Variants in ESRRB observed in about 807,000 individuals in gnomAD.
ESRRB encodes the protein steroid hormone receptor ERR2.
In ESRRB, 16 loss-of-function variants were observed where a neutral mutation model predicts 46.0. That is an observed-to-expected ratio of 0.35 (90% CI 0.24 to 0.53). The LOEUF (loss-of-function observed/expected upper bound fraction) is 0.53. Among genes scored for constraint, ESRRB ranks in the 20% least tolerant of loss-of-function variants. The probability of loss-of-function intolerance (pLI) is 0.93; values close to 1 mark genes in which losing one functional copy is unlikely to be tolerated. For missense variants in ESRRB, 488 were observed against 607.4 expected (o/e 0.80, Z 2.07); for synonymous variants, 246 against 259.6 (o/e 0.95, Z 0.50).
In ESRRB at chr14:76,462,555, G is replaced by T; in HGVS notation, c.471G>T (p.Glu157Asp). Residue 157 changes from glutamate to aspartate, a missense_variant, in exon 3 of 7, where the codon GAG (glutamate) becomes GAT (aspartate). Coordinates refer to ENST00000644823, the MANE Select transcript of ESRRB (RefSeq NM_001379180.1). ...FFKRTIQGNIEYSCPATNECE... is the reference protein window; with the variant it reads ...FFKRTIQGNIDYSCPATNECE... ...TGTGTCTGGTTGCAGGGAACATTGA[G>T]TACAGCTGCCCGGCCACCAACGAGT... 6.2e-7 allele frequency: 1 copy of T among 1,613,846 alleles called. No homozygotes were observed. Among genetic ancestry groups the T allele is most frequent in the Non-Finnish European group, 8.5e-7 (1 of 1,179,822 alleles).
At chr14:76,448,819 A>G (rs1888263067) in intron 2 of ESRRB, among the ~76,000 whole-genome samples, 1 of 152,216 alleles carries the variant, frequency 6.6e-6, no homozygotes, top group Admixed American at 6.5e-5. Context: ...TCTAGGTAAA[A>G]TAGTCAGATG....
chr14:76,344,875 C>T (rs1884231784), intron 1 of ESRRB, among the ~76,000 whole-genome samples: 1 of 151,870 alleles, frequency 6.6e-6, no homozygotes, highest in Non-Finnish European at 1.5e-5. Context: ...ATAATAGTGT[C>T]CAATCTCATC....
intron 1 of ESRRB, among the ~76,000 whole-genome samples, chr14:76,362,735 G>T (rs995454653): frequency 1.3e-5 from 2 of 152,184 alleles, no homozygotes; most frequent in Non-Finnish European, 2.9e-5. Context: ...GGAGACCTAG[G>T]AGTGCCACAA....
intron 3 of ESRRB, among the ~76,000 whole-genome samples, chr14:76,471,705 G>A (rs1867655): frequency 0.89 from 135,435 of 152,308 alleles, 60,498 homozygotes; most frequent in East Asian, 1. Context: ...ATTACTTGCT[G>A]TCATATCCCC....
chr14:76,432,764 C>A (rs1887509361), intron 1 of ESRRB, among the ~76,000 whole-genome samples: 1 of 132,822 alleles, frequency 7.5e-6, no homozygotes, highest in Non-Finnish European at 1.6e-5. Flanking sequence ...CAACCTCCGC[C>A]TCCCGGGTTC....
chr14:76,318,230 TAA>T (rs1048975373), intron 1 of ESRRB, among the ~76,000 whole-genome samples: 2 of 152,152 alleles, frequency 1.3e-5, no homozygotes, highest in Admixed American at 1.3e-4. Context: ...CCAGGTTTGC[TAA>T]AAGTCCTTTA....
At position 76,358,319 on chromosome 14, in the gene ESRRB, AAAAAAAAGAAAGAAAGAAAGAAAG is replaced by A. The variant is rs1451061454; in HGVS notation, c.2+47407_2+47430del. Reference sequence around the variant, plus strand: ...GGAGCAAGACTCTGTCTCAAAAAAAAAAAAAAAGAAAGAAAGAAAGAAAGAAAGAAAGAAAGAAAGAAAGAAAGA... The same window carrying A: ...GGAGCAAGACTCTGTCTCAAAAAAAAAAAGAAAGAAAGAAAGAAAGAAAGA... On this transcript the variant is annotated intron_variant, in intron 1 of 6. Coordinates refer to the ESRRB transcript ENST00000512784. 2.9e-4 allele frequency among the ~76,000 whole-genome samples: 23 copies of A among 80,052 alleles called. 1 individual carries two copies. The highest frequency in any genetic ancestry group is 2.9e-4 in the African/African-American group (7 of 23,996). 52.5% of individuals were successfully genotyped at this position (80,052 alleles called of 152,430 possible). A position where few individuals can be genotyped will look rare whatever the true frequency, so the allele number is the denominator to read the frequency against.
intron 2 of ESRRB, among the ~76,000 whole-genome samples, chr14:76,452,922 T>C (rs922119062): frequency 2.0e-5 from 3 of 152,132 alleles, no homozygotes; most frequent in Admixed American, 2.0e-4. Context: ...AGAAGCAAAA[T>C]CTTGAGTGGG....
intron 5 of ESRRB, among the ~76,000 whole-genome samples, chr14:76,486,511 G>A (rs1397312314): frequency 6.6e-6 from 1 of 151,890 alleles, no homozygotes; most frequent in Non-Finnish European, 1.5e-5. Context: ...CGACAGAAAC[G>A]ATCATAAATT....
chr14:76,453,814 G>A (rs1888495916), intron 2 of ESRRB, among the ~76,000 whole-genome samples: 2 of 152,074 alleles, frequency 1.3e-5, no homozygotes. Context: ...GTTTCACCAT[G>A]TTGTCCAGGC....
chr14:76,372,983 C>T (rs1424475721), upstream of ESRRB, among the ~76,000 whole-genome samples: 1 of 152,192 alleles, frequency 6.6e-6, no homozygotes, highest in African/African-American at 2.4e-5. Context: ...TTACAAATTT[C>T]CTTTGTCAAA....
chr14:76,389,363 T>C (rs371454580), intron 1 of ESRRB, among the ~76,000 whole-genome samples: 2 of 152,186 alleles, frequency 1.3e-5, no homozygotes, highest in Non-Finnish European at 2.9e-5. Flanking sequence ...TCCTAGATCA[T>C]GAGGTCCTAG....
chr14:76,469,293 C>T (rs1015726796), intron 3 of ESRRB, among the ~76,000 whole-genome samples: 2 of 152,114 alleles, frequency 1.3e-5, no homozygotes. Flanking sequence ...CAGGGTTTCA[C>T]CATGTTGGTC....
intron 3 of ESRRB, among the ~76,000 whole-genome samples, chr14:76,469,653 G>A (rs1889274162): frequency 6.6e-6 from 1 of 151,824 alleles, no homozygotes; most frequent in African/African-American, 2.4e-5. Flanking sequence ...GGGATGACAG[G>A]GGTGGGTCAC....
At chr14:76,370,716 C>G (rs985625549), upstream of ESRRB, among the ~76,000 whole-genome samples, 5 of 152,120 alleles carry the variant, frequency 3.3e-5, no homozygotes, top group Non-Finnish European at 7.4e-5. Context: ...CTATTACAGT[C>G]ATAATGTGCT....
chr14:76,491,176 C>G (rs951309169), intron 5 of ESRRB, among the ~76,000 whole-genome samples: 2 of 152,196 alleles, frequency 1.3e-5, no homozygotes, highest in African/African-American at 4.8e-5. Flanking sequence ...TACCATAGAG[C>G]TAACAATCAT....
chr14:76,399,259 G>T (rs916692863), intron 1 of ESRRB, among the ~76,000 whole-genome samples: 3 of 152,150 alleles, frequency 2.0e-5, no homozygotes, highest in Admixed American at 2.0e-4. Context: ...CCATCAGGAA[G>T]CTCCCTGTGA....
chr14:76,450,865 C>T (rs1356355757), intron 2 of ESRRB, among the ~76,000 whole-genome samples: 9 of 152,198 alleles, frequency 5.9e-5, no homozygotes, highest in African/African-American at 2.2e-4. Context: ...GGACTGAGTT[C>T]CTCTGGCCTC....
chr14:76,410,522 T>G (rs1362772191), intron 1 of ESRRB, among the ~76,000 whole-genome samples: 2 of 152,074 alleles, frequency 1.3e-5, no homozygotes, highest in Non-Finnish European at 2.9e-5. Context: ...TCTTAATCCC[T>G]CCAAGAAACC....
Sources: gnomAD v4.1 joint callset for allele counts (sites outside exome capture counted in the v4.1 genomes callset) on GRCh38, gnomAD v4.1.1 for gene constraint, MANE v1.5 for transcripts, NCBI Gene and HGNC (gene_info 2026-07-23, HGNC 2026-07-21) for gene names.